PBX1: variants seen among roughly 807,000 people sequenced by gnomAD.
The protein encoded by PBX1 is PBX homeobox 1.
Under a neutral mutation model 53.4 loss-of-function variants are expected in PBX1, and 6 were observed. The ratio of observed to expected loss-of-function variants is 0.11; its 90% confidence interval spans 0.06 to 0.22. The LOEUF is 0.22. PBX1 is among the 10% of genes least tolerant of loss of function. PBX1 has a pLI of 1.00. For missense variants in PBX1, 251 were observed against 551.4 expected, an observed-to-expected ratio of 0.46 and a Z score of 5.46; for synonymous variants, 204 against 212.3, an observed-to-expected ratio of 0.96 and a Z score of 0.34.
rs567048645 is a variant in PBX1 at position 164,884,729 on chromosome 1, A to C, written n.258-14459A>C. Among the ~76,000 whole-genome samples the C allele has an allele frequency of 2.0e-5, 3 of 152,348 alleles. No homozygotes were observed. The East Asian group carries it at 5.8e-4, about 29-fold the overall frequency. On this transcript the variant is annotated intron_variant and non_coding_transcript_variant, in intron 2 of 2. Transcript: ENST00000558796. ...TATCAGCCAAAAAACTCTGGTGAGC[A>C]GTGAGTTGGCAGATGTTGCAACTGG...
intron 2 of PBX1, among the ~76,000 whole-genome samples, chr1:164,628,307 G>T (rs2101872107): frequency 6.6e-6 from 1 of 152,264 alleles, no homozygotes; most frequent in Middle Eastern, 3.4e-3. Context: ...TAAGGTAAGG[G>T]ATATAGAACA....
intron 8 of PBX1, among the ~76,000 whole-genome samples, chr1:164,832,944 G>A (rs1376584972): frequency 6.6e-6 from 1 of 151,990 alleles, no homozygotes; most frequent in Non-Finnish European, 1.5e-5. Flanking sequence ...AAATAAGGAA[G>A]TGGTTTAAGG....
chr1:164,739,527 C>A (rs970229939), intron 2 of PBX1, among the ~76,000 whole-genome samples: 3 of 152,166 alleles, frequency 2.0e-5, no homozygotes, highest in African/African-American at 7.2e-5. Context: ...TTGTCACAGC[C>A]ATTGACCTAC....
intron 2 of PBX1, among the ~76,000 whole-genome samples, chr1:164,721,772 C>T (rs749590911): frequency 7.2e-5 from 11 of 152,124 alleles, no homozygotes; most frequent in African/African-American, 1.9e-4. Context: ...TGGGGAATCA[C>T]GCTTAAGGAT....
chr1:164,884,452 T>A (rs1438616695), intron 2 of PBX1: 1 of 388,986 alleles, frequency 2.6e-6, no homozygotes, highest in African/African-American at 2.1e-5. Context: ...AATCGGTCAA[T>A]TTGACTCTTT....
intron 2 of PBX1, among the ~76,000 whole-genome samples, chr1:164,679,557 C>T (rs1661630742): frequency 6.6e-6 from 1 of 152,108 alleles, no homozygotes; most frequent in Non-Finnish European, 1.5e-5. Context: ...TTTATAAAGT[C>T]ACAATCTGAG....
chr1:164,665,607 AC>A (rs1454272056), intron 2 of PBX1, among the ~76,000 whole-genome samples: 5 of 152,186 alleles, frequency 3.3e-5, no homozygotes, highest in Non-Finnish European at 7.3e-5. Context: ...GATTAAAAAA[AC>A]AAAGGGACAC....
chr1:164,861,736 T>C (rs539999380), intron 2 of PBX1, among the ~76,000 whole-genome samples: 1 of 152,300 alleles, frequency 6.6e-6, no homozygotes, highest in South Asian at 2.1e-4. Flanking sequence ...GAGGATTGAC[T>C]AAAAAGGTGA....
At chr1:164,655,116 T>TTA (rs58879038) in intron 2 of PBX1, among the ~76,000 whole-genome samples, 180 of 136,002 alleles carry the variant, frequency 1.3e-3, no homozygotes, top group Non-Finnish European at 1.7e-3. Flanking sequence ...TTTTTTTTTT[T>TTA]ATTTTTATTT....
chr1:164,832,895 G>T (rs1011003405), intron 8 of PBX1, among the ~76,000 whole-genome samples: 5 of 151,830 alleles, frequency 3.3e-5, no homozygotes, highest in Non-Finnish European at 5.9e-5. Context: ...CAGCTAAGAA[G>T]ATACTTACAA....
At chr1:164,589,825 T>C (rs1655235174) in intron 2 of PBX1, among the ~76,000 whole-genome samples, 2 of 152,222 alleles carry the variant, frequency 1.3e-5, no homozygotes, top group African/African-American at 4.8e-5. Context: ...GTGATTGAAG[T>C]TGAATTAGAT....
intron 2 of PBX1, among the ~76,000 whole-genome samples, chr1:164,884,026 G>A (rs58711856): frequency 6.6e-6 from 1 of 152,112 alleles, no homozygotes; most frequent in African/African-American, 2.4e-5. Flanking sequence ...GTCAAATTAC[G>A]AGCATGCAGA....
Position 164,783,414 on chromosome 1 carries a change from G to A in PBX1, c.266-9080G>A, listed in dbSNP as rs142341054. 2.3e-3 allele frequency among the ~76,000 whole-genome samples: 348 copies of A among 152,196 alleles called. 2 individuals are homozygous for A. Among genetic ancestry groups the A allele is most frequent in the African/African-American group, 7.5e-3 (310 of 41,504 alleles). Reference sequence around the variant, plus strand: ...TGTCTGTGTGCATTTGTGTGCGTGCGTGTATGTGTGTATGTATATTCTTGG... The same window carrying A: ...TGTCTGTGTGCATTTGTGTGCGTGCATGTATGTGTGTATGTATATTCTTGG... On this transcript the variant is annotated intron_variant, in intron 2 of 8. Transcript: ENST00000420696.
intron 2 of PBX1, among the ~76,000 whole-genome samples, chr1:164,669,191 G>A (rs1660982821): frequency 6.6e-6 from 1 of 151,930 alleles, no homozygotes; most frequent in African/African-American, 2.4e-5. Context: ...AACACTAGTT[G>A]TGTTGGCAAT....
chr1:164,753,674 A>G lies in PBX1; in HGVS notation c.266-38820A>G, dbSNP rs571848139. ...TTGACCTTTGATTTGTGGAAATGAG[A>G]GTGGCTTCTCCTTCCCCAGGGCCAC... On this transcript the variant is annotated intron_variant, in intron 2 of 8. Transcript: ENST00000420696. Among the ~76,000 whole-genome samples, 20 of 152,304 alleles carry G rather than the reference A, an allele frequency of 1.3e-4. No homozygotes were observed. In the East Asian group the frequency reaches 3.7e-3, roughly 28 times the overall value.
intron 4 of PBX1, among the ~76,000 whole-genome samples, chr1:164,801,604 A>T (rs1228201173): frequency 6.6e-6 from 1 of 152,162 alleles, no homozygotes; most frequent in Non-Finnish European, 1.5e-5. Context: ...AACAGACACA[A>T]AGCTAGGAGG....
At chr1:164,588,597 T>C (rs1217900288) in intron 2 of PBX1, among the ~76,000 whole-genome samples, 1 of 152,054 alleles carries the variant, frequency 6.6e-6, no homozygotes, top group Non-Finnish European at 1.5e-5. Context: ...TCTGTTTTTT[T>C]CCCCACCTCT....
chr1:164,779,724 G>A (rs535908985), intron 2 of PBX1, among the ~76,000 whole-genome samples: 49 of 152,144 alleles, frequency 3.2e-4, no homozygotes, highest in Non-Finnish European at 2.8e-4. Flanking sequence ...ATGGAAATAC[G>A]GATGGCTTGC....
chr1:164,869,136 T>A (rs2102451186), intron 2 of PBX1, among the ~76,000 whole-genome samples: 1 of 152,334 alleles, frequency 6.6e-6, no homozygotes, highest in South Asian at 2.1e-4. Flanking sequence ...ATGCAGTTGC[T>A]AAGGTTTATT....
Sources: gnomAD v4.1 joint callset for allele counts (sites outside exome capture counted in the v4.1 genomes callset) on GRCh38, gnomAD v4.1.1 for gene constraint, MANE v1.5 for transcripts, NCBI Gene and HGNC (gene_info 2026-07-23, HGNC 2026-07-21) for gene names.